ATRN: variants seen among roughly 807,000 people sequenced by gnomAD.
The protein encoded by ATRN is attractin.
In ATRN, 54 loss-of-function variants were observed where a neutral mutation model predicts 178.7. The ratio of observed to expected loss-of-function variants is 0.30; its 90% CI spans 0.24 to 0.38. The LOEUF (loss-of-function observed/expected upper bound fraction) is 0.38. Ranked by LOEUF, ATRN falls within the 10% of genes least tolerant of loss-of-function variation. The probability of loss-of-function intolerance (pLI) is 1.00; values close to 1 mark genes in which losing one functional copy is unlikely to be tolerated. For missense variants in ATRN, 1,443 were observed against 1,815.1 expected, an observed-to-expected ratio of 0.79 and a Z score of 3.73; for synonymous variants, 636 against 663.0, an observed-to-expected ratio of 0.96 and a Z score of 0.63.
intron 6 of ATRN, among the ~76,000 whole-genome samples, chr20:3,557,805 T>A (rs946126112): frequency 6.6e-5 from 10 of 152,228 alleles, no homozygotes; most frequent in African/African-American, 2.4e-4. Context: ...TAGTGAATTC[T>A]GTACAAAAAT....
chr20:3,485,050 C>T (rs1350210343), intron 1 of ATRN, among the ~76,000 whole-genome samples: 3 of 151,946 alleles, frequency 2.0e-5, no homozygotes, highest in Non-Finnish European at 4.4e-5. Context: ...AGGAGGTTGA[C>T]TGGGCTCAGC....
rs1264956525 is a variant in ATRN, at chr20:3,596,399, C to G, written c.3439C>G (p.Gln1147Glu). 2 of 1,613,052 alleles carry G rather than the reference C, an allele frequency of 1.2e-6. No homozygotes were observed. Among genetic ancestry groups the G allele is most frequent in the Non-Finnish European group, 1.7e-6 (2 of 1,179,404 alleles). The change falls in exon 21 of 29, where the codon CAA (glutamine) becomes GAA (glutamate). Residue 1147 changes from glutamine (Q) to glutamate (E), a missense_variant. Gln to Glu is a conservative substitution (Grantham distance 29). Transcript: ENST00000262919. ...CAGATGTGAGGTAGAAAATCGATAC[C>G]AAGGAAACCCTCTCAGAGGAACATG... ...CQLCEVENRYQGNPLRGTCYY... is the reference protein window; with the variant it reads ...CQLCEVENRYEGNPLRGTCYY...
At chr20:3,480,477 G>A (rs2084603874) in intron 1 of ATRN, among the ~76,000 whole-genome samples, 1 of 152,182 alleles carries the variant, frequency 6.6e-6, no homozygotes, top group Non-Finnish European at 1.5e-5. Flanking sequence ...ATAACTTTCT[G>A]AATCTCTGGA....
intron 1 of ATRN, among the ~76,000 whole-genome samples, chr20:3,485,776 C>A: frequency 6.6e-6 from 1 of 151,844 alleles, no homozygotes; most frequent in East Asian, 1.9e-4. Flanking sequence ...TGCCTGCCAC[C>A]ATGCCTGGCT....
intron 22 of ATRN, among the ~76,000 whole-genome samples, chr20:3,598,584 G>T (rs2086564016): frequency 6.6e-6 from 1 of 152,170 alleles, no homozygotes; most frequent in Non-Finnish European, 1.5e-5. Flanking sequence ...GTAAAATGTG[G>T]ATTTTTTTAT....
At chr20:3,606,965 G>A (rs2086684903) in intron 24 of ATRN, among the ~76,000 whole-genome samples, 1 of 152,092 alleles carries the variant, frequency 6.6e-6, no homozygotes, top group Admixed American at 6.5e-5. Context: ...TGATCCTAGT[G>A]TCTTATTTGT....
At chr20:3,512,466 C>T (rs2085148683) in intron 1 of ATRN, among the ~76,000 whole-genome samples, 1 of 152,042 alleles carries the variant, frequency 6.6e-6, no homozygotes, top group Admixed American at 6.5e-5. Flanking sequence ...CATAGTATTC[C>T]ACAGTGTATA....
At chr20:3,559,893 C>A (rs2085927282) in intron 7 of ATRN, among the ~76,000 whole-genome samples, 2 of 152,118 alleles carry the variant, frequency 1.3e-5, no homozygotes. Flanking sequence ...ATAAAAGATT[C>A]ATGTGAGGAA....
chr20:3,561,871 G>A (rs1200661944), intron 8 of ATRN, among the ~76,000 whole-genome samples: 1 of 151,814 alleles, frequency 6.6e-6, no homozygotes, highest in Non-Finnish European at 1.5e-5. Flanking sequence ...GGGACTACAG[G>A]TGCGTGCCAC....
intron 27 of ATRN, among the ~76,000 whole-genome samples, chr20:3,643,268 C>G (rs1380132850): frequency 6.6e-6 from 1 of 152,230 alleles, no homozygotes. Context: ...AGACCTGTCT[C>G]TCTCGGCAGA....
chr20:3,616,230 A>ATAC, intron 24 of ATRN, among the ~76,000 whole-genome samples: 1 of 152,108 alleles, frequency 6.6e-6, no homozygotes, highest in African/African-American at 2.4e-5. Context: ...TGGACAGGTA[A>ATAC]ATCTTTGTCT....
intron 11 of ATRN, among the ~76,000 whole-genome samples, chr20:3,570,657 A>G (rs235562): frequency 0.8 from 121,547 of 152,096 alleles, 48,874 homozygotes; most frequent in East Asian, 1. Context: ...GCATCTTTAC[A>G]TTAGCTTTTG....
chr20:3,504,843 G>T (rs1318667876), intron 1 of ATRN, among the ~76,000 whole-genome samples: 1 of 151,796 alleles, frequency 6.6e-6, no homozygotes, highest in East Asian at 1.9e-4. Context: ...TCAAGACAAA[G>T]GACTTAAATG....
At chr20:3,623,276 GGAAAA>G (rs1270233661) in intron 24 of ATRN, among the ~76,000 whole-genome samples, 1 of 152,150 alleles carries the variant, frequency 6.6e-6, no homozygotes, top group Non-Finnish European at 1.5e-5. Flanking sequence ...GATAAATGAA[GGAAAA>G]GAAAAGAAAG....
At chr20:3,516,421 A>T (rs1016084205) in intron 1 of ATRN, among the ~76,000 whole-genome samples, 2 of 152,150 alleles carry the variant, frequency 1.3e-5, no homozygotes, top group East Asian at 3.8e-4. Flanking sequence ...ATGCACTCTT[A>T]TTTTGTGAAC....
intron 27 of ATRN, among the ~76,000 whole-genome samples, chr20:3,641,367 G>A (rs1431101540): frequency 1.3e-5 from 2 of 151,990 alleles, no homozygotes; most frequent in Non-Finnish European, 2.9e-5. Context: ...GAGGCGGGCG[G>A]ATCACTTGAG....
In ATRN at chr20:3,479,138, G is replaced by A. The variant is rs1012261024; in HGVS notation, c.410+7621G>A. The stretch of plus-strand genomic sequence containing the variant: ...ACTCCTGTCCCCAAGAGATCATCTC[G>A]TCTTGACCTCCCAAAGTGCTGGGAT... On this transcript the variant is annotated intron_variant, in intron 1 of 28. Coordinates refer to ENST00000262919, the MANE Select transcript of ATRN (RefSeq NM_139321.3). Among the ~76,000 whole-genome samples, 4 of 151,940 alleles carry A rather than the reference G, an allele frequency of 2.6e-5. No homozygotes were observed. In the East Asian group the frequency reaches 5.8e-4, roughly 22 times the overall value.
intron 8 of ATRN, among the ~76,000 whole-genome samples, chr20:3,561,987 A>G (rs1398870338): frequency 1.3e-5 from 2 of 152,172 alleles, no homozygotes; most frequent in Non-Finnish European, 2.9e-5. Context: ...TAGCCTCCCA[A>G]AGTGCTGGGA....
intron 1 of ATRN, among the ~76,000 whole-genome samples, chr20:3,514,151 G>T (rs556166516): frequency 1.0e-3 from 152 of 152,212 alleles, no homozygotes; most frequent in Admixed American, 2.9e-3. Context: ...AGCCATCTTG[G>T]AACCACCCTC....
Sources: allele counts gnomAD v4.1 joint callset (sites outside exome capture counted in the v4.1 genomes callset), GRCh38; gene constraint gnomAD v4.1.1; transcripts MANE v1.5; gene names NCBI Gene and HGNC (gene_info 2026-07-23, HGNC 2026-07-21).